Variants in AGBL4 observed in about 807,000 individuals in gnomAD.
The protein encoded by AGBL4 is AGBL carboxypeptidase 4.
Under a neutral mutation model 66.4 loss-of-function variants are expected in AGBL4, and 58 were observed. The observed-to-expected ratio is 0.87, with a 90% confidence interval of 0.71 to 1.09. The LOEUF (loss-of-function observed/expected upper bound fraction) is 1.09, where lower values mean the gene tolerates loss of function less well. Among genes scored for constraint, AGBL4 ranks in the 50% least tolerant of loss-of-function variants. The pLI is 0.00. For synonymous variants in AGBL4, 234 were observed against 222.9 expected (o/e 1.05, Z -0.44); for missense variants, 579 against 631.0 (o/e 0.92, Z 0.88).
intron 4 of AGBL4, among the ~76,000 whole-genome samples, chr1:49,088,933 T>A (rs988941180): frequency 7.9e-5 from 12 of 151,536 alleles, no homozygotes; most frequent in Non-Finnish European, 1.5e-4. Context: ...AAAATAGAAA[T>A]CAATACTAAA....
chr1:49,262,243 G>A (rs544651476), intron 3 of AGBL4, among the ~76,000 whole-genome samples: 1 of 152,128 alleles, frequency 6.6e-6, no homozygotes, highest in African/African-American at 2.4e-5. Flanking sequence ...TCAGGACATA[G>A]GCATGGGCAA....
intron 3 of AGBL4, among the ~76,000 whole-genome samples, chr1:49,526,836 G>A (rs999237318): frequency 5.3e-5 from 8 of 152,050 alleles, no homozygotes; most frequent in Non-Finnish European, 1.0e-4. Flanking sequence ...GTATCTAATT[G>A]ACCAGTAATA....
At chr1:49,555,895 A>T (rs1653403045) in intron 3 of AGBL4, among the ~76,000 whole-genome samples, 1 of 152,144 alleles carries the variant, frequency 6.6e-6, no homozygotes, top group African/African-American at 2.4e-5. Flanking sequence ...GCTGGAGAGG[A>T]TGTGGAGAAA....
intron 2 of AGBL4, among the ~76,000 whole-genome samples, chr1:49,793,339 C>A (rs1167989983): frequency 6.6e-6 from 1 of 152,038 alleles, no homozygotes; most frequent in African/African-American, 2.4e-5. Context: ...TCCGTTGATA[C>A]TAAACGGATT....
At chr1:49,733,600 T>TC (rs1254513354) in intron 2 of AGBL4, among the ~76,000 whole-genome samples, 1 of 152,082 alleles carries the variant, frequency 6.6e-6, no homozygotes, top group East Asian at 1.9e-4. Context: ...TCTTGTTGTA[T>TC]CCCCCCAAAT....
intron 11 of AGBL4, among the ~76,000 whole-genome samples, chr1:48,553,127 C>A (rs1443479096): frequency 6.6e-6 from 1 of 152,212 alleles, no homozygotes; most frequent in Non-Finnish European, 1.5e-5. Flanking sequence ...CTCCTCCAAT[C>A]CAGGCACCAG....
chr1:49,874,825 T>C (rs1476714642), intron 1 of AGBL4, among the ~76,000 whole-genome samples: 2 of 152,146 alleles, frequency 1.3e-5, no homozygotes, highest in African/African-American at 2.4e-5. Flanking sequence ...TTTTGTTTTG[T>C]TTTATTACTA....
At chr1:48,825,744 A>G (rs1302367466) in intron 6 of AGBL4, among the ~76,000 whole-genome samples, 2 of 152,222 alleles carry the variant, frequency 1.3e-5, no homozygotes, top group African/African-American at 4.8e-5. Context: ...ATATGCAAGT[A>G]CCAAGTGAAA....
intron 3 of AGBL4, among the ~76,000 whole-genome samples, chr1:49,633,962 TC>T (rs924667623): frequency 1.4e-5 from 2 of 146,134 alleles, no homozygotes; most frequent in African/African-American, 5.0e-5. Flanking sequence ...TAATTTTTTT[TC>T]ATAATATTTT....
intron 11 of AGBL4, chr1:48,586,758 T>G: frequency 4.2e-6 from 2 of 475,196 alleles, no homozygotes; most frequent in Admixed American, 3.4e-5. Flanking sequence ...GAGTAAGATA[T>G]GGGCAGGCCA....
At chr1:48,772,668 G>A (rs1034939739) in intron 6 of AGBL4, among the ~76,000 whole-genome samples, 25 of 152,258 alleles carry the variant, frequency 1.6e-4, no homozygotes, top group Admixed American at 3.3e-4. Flanking sequence ...TCTAATGAGA[G>A]CAGTCAACTA....
chr1:48,987,342 A>G lies in AGBL4; in HGVS notation c.594+58242T>C, dbSNP rs553709972. Among the ~76,000 whole-genome samples the G allele has an allele frequency of 2.0e-5, 3 of 152,196 alleles. No homozygotes were observed. The East Asian group carries it at 5.8e-4, about 29-fold the overall frequency. On this transcript the variant is annotated intron_variant, in intron 5 of 13. Coordinates refer to ENST00000371839, the MANE Select transcript of AGBL4 (RefSeq NM_032785.4). The stretch of plus-strand genomic sequence containing the variant: ...AAGAATGGAAAAGGTATACCATATT[A>G]ACACTAATAAAAGCTGAAGTGGCCA...
At chr1:49,487,475 C>T (rs1359743772) in intron 3 of AGBL4, among the ~76,000 whole-genome samples, 1 of 151,878 alleles carries the variant, frequency 6.6e-6, no homozygotes, top group Non-Finnish European at 1.5e-5. Flanking sequence ...CTGTTCTCCT[C>T]AGACAGACAA....
intron 11 of AGBL4, among the ~76,000 whole-genome samples, chr1:48,572,524 T>TTG (rs138059773): frequency 6.7e-6 from 1 of 150,250 alleles, no homozygotes; most frequent in African/African-American, 2.4e-5. Flanking sequence ...TATGTGCAAA[T>TTG]TGTGTGTGTG....
intron 2 of AGBL4, among the ~76,000 whole-genome samples, chr1:49,745,412 T>C (rs1650907697): frequency 6.6e-6 from 1 of 152,020 alleles, no homozygotes. Flanking sequence ...GTTATTGTTC[T>C]TAATCTCTTA....
rs950040130 is a variant in AGBL4 at position 48,793,941 on chromosome 1, G to A, written c.634+73250C>T. 3.3e-5 allele frequency among the ~76,000 whole-genome samples: 5 copies of A among 152,132 alleles called. No individual in the cohort carries two copies. In the East Asian group the frequency reaches 5.8e-4, roughly 18 times the overall value. On this transcript the variant is annotated intron_variant, in intron 6 of 13. Transcript: ENST00000371839. ...CCCATTGGAAACTTTTCTGTTTGTT[G>A]CTGCTTTGGGGATCTACCCTTGTGC...
intron 11 of AGBL4, among the ~76,000 whole-genome samples, chr1:48,547,675 T>C (rs1294152401): frequency 6.6e-6 from 1 of 152,218 alleles, no homozygotes; most frequent in African/African-American, 2.4e-5. Context: ...TTGCTGACTG[T>C]GCAGTGTGTT....
chr1:49,845,592 G>A, intron 2 of AGBL4: 1 of 1,604,898 alleles, frequency 6.2e-7, no homozygotes, highest in South Asian at 1.1e-5. Context: ...AGTGCCATGA[G>A]TGTGGAAAAG....
chr1:49,793,462 A>G (rs1052680587), intron 2 of AGBL4, among the ~76,000 whole-genome samples: 1 of 151,986 alleles, frequency 6.6e-6, no homozygotes, highest in African/African-American at 2.4e-5. Context: ...ATAATAATAG[A>G]ACTGAAGAAA....
Sources: allele counts gnomAD v4.1 joint callset (sites outside exome capture counted in the v4.1 genomes callset), GRCh38; gene constraint gnomAD v4.1.1; transcripts MANE v1.5; gene names NCBI Gene and HGNC (gene_info 2026-07-23, HGNC 2026-07-21).